Variants in PPP3CA observed in about 807,000 individuals in gnomAD.
The protein encoded by PPP3CA is CAM-PRP catalytic subunit.
Under a neutral mutation model 66.5 loss-of-function variants are expected in PPP3CA, and 14 were observed. The ratio of observed to expected loss-of-function variants is 0.21; its 90% confidence interval spans 0.14 to 0.33. PPP3CA has a LOEUF of 0.33. PPP3CA is among the 10% of genes least tolerant of loss of function. PPP3CA has a pLI of 1.00. For missense variants in PPP3CA, 317 were observed against 639.5 expected (o/e 0.50, Z 5.44); for synonymous variants, 232 against 226.2 (o/e 1.03, Z -0.23).
At chr4:101,104,861 T>C (rs1175413058) in intron 3 of PPP3CA, among the ~76,000 whole-genome samples, 1 of 152,182 alleles carries the variant, frequency 6.6e-6, no homozygotes, top group Non-Finnish European at 1.5e-5. Context: ...CATTTTGTCA[T>C]TTTTGTATGT....
chr4:101,033,494 G>T (rs868553556), intron 11 of PPP3CA, among the ~76,000 whole-genome samples: 6 of 152,120 alleles, frequency 3.9e-5, no homozygotes, highest in African/African-American at 1.2e-4. Context: ...TAAGAGTAAG[G>T]GATCACTCTT....
intron 13 of PPP3CA, among the ~76,000 whole-genome samples, chr4:101,028,143 T>G (rs1726755067): frequency 6.6e-6 from 1 of 152,156 alleles, no homozygotes; most frequent in Admixed American, 6.5e-5. Flanking sequence ...GTGGCACTTT[T>G]TGTATCACAC....
chr4:101,227,338 CTT>C lies in PPP3CA; in HGVS notation c.59-31224_59-31223del, dbSNP rs578236192. ...CTTCATAATCTGCTACGTCTCCCCT[CTT>C]GTTTTATATACTAAATTATGTAGTA... On this transcript the variant is annotated intron_variant, in intron 1 of 13. Coordinates refer to ENST00000394854, the MANE Select transcript of PPP3CA (RefSeq NM_000944.5). Among the ~76,000 whole-genome samples the C allele has an allele frequency of 3.8e-4, 58 of 151,864 alleles. No homozygotes were observed. The South Asian group carries it at 0.012, about 30-fold the overall frequency.
intron 1 of PPP3CA, among the ~76,000 whole-genome samples, chr4:101,264,777 A>C (rs1342038370): frequency 6.6e-6 from 1 of 152,202 alleles, no homozygotes. Context: ...AAATGCCTAT[A>C]GGAGCCAGGG....
chr4:101,170,240 T>TC (rs1268479357), intron 2 of PPP3CA, among the ~76,000 whole-genome samples: 8 of 150,636 alleles, frequency 5.3e-5, no homozygotes, highest in African/African-American at 1.7e-4. Flanking sequence ...AGACATTTTT[T>TC]CCCACAATTA....
chr4:101,243,970 A>G (rs1356189527), intron 1 of PPP3CA, among the ~76,000 whole-genome samples: 2 of 152,204 alleles, frequency 1.3e-5, no homozygotes, highest in Non-Finnish European at 2.9e-5. Context: ...GTTTTGATTT[A>G]TAAGATAAGG....
chr4:101,273,626 T>A (rs1727401896), intron 1 of PPP3CA, among the ~76,000 whole-genome samples: 1 of 152,148 alleles, frequency 6.6e-6, no homozygotes, highest in African/African-American at 2.4e-5. Context: ...CACCTGGCCT[T>A]TAAAATTACA....
chr4:101,040,490 T>G lies in PPP3CA; in HGVS notation c.1233A>C (p.Ser411=), dbSNP rs778242868. Residue 411 remains serine, a synonymous_variant, in exon 11 of 14, where the codon TCA becomes TCC. Transcript: ENST00000394854. ...RAIGKMARVF[S]VLREESESVL... ...AGTACGAATGCACCCACCTGAGCACTGAGAACACTCTGGCCATTTTGCCTA... is the reference window on the plus strand; with the variant it reads ...AGTACGAATGCACCCACCTGAGCACGGAGAACACTCTGGCCATTTTGCCTA... 1 of 1,611,102 alleles carries G rather than the reference T, an allele frequency of 6.2e-7. No homozygotes were observed. The highest frequency in any genetic ancestry group is 1.7e-5 in the Admixed American group (1 of 59,254).
At chr4:101,198,422 A>G (rs916483312) in intron 1 of PPP3CA, among the ~76,000 whole-genome samples, 1 of 152,184 alleles carries the variant, frequency 6.6e-6, no homozygotes, top group Non-Finnish European at 1.5e-5. Flanking sequence ...CTTCAAAAGG[A>G]TGCTTGTGGT....
chr4:101,248,694 C>T (rs968294674), intron 1 of PPP3CA, among the ~76,000 whole-genome samples: 1 of 152,028 alleles, frequency 6.6e-6, no homozygotes, highest in Non-Finnish European at 1.5e-5. Context: ...TCCTCTTTTC[C>T]CAAAGGTACT....
chr4:101,220,027 CATCATTATA>C (rs1725574083), intron 1 of PPP3CA, among the ~76,000 whole-genome samples: 1 of 151,782 alleles, frequency 6.6e-6, no homozygotes, highest in African/African-American at 2.4e-5. Flanking sequence ...CACGCCATGT[CATCATTATA>C]ATCAGAAAAC....
At chr4:101,287,644 G>A (rs926924539) in intron 1 of PPP3CA, among the ~76,000 whole-genome samples, 2 of 151,952 alleles carry the variant, frequency 1.3e-5, no homozygotes, top group Non-Finnish European at 2.9e-5. Context: ...TCTACAGCCA[G>A]GACAAGAAAG....
intron 1 of PPP3CA, among the ~76,000 whole-genome samples, chr4:101,230,590 C>T (rs997002863): frequency 6.6e-6 from 1 of 151,470 alleles, no homozygotes; most frequent in Non-Finnish European, 1.5e-5. Flanking sequence ...TAAAGCCTCC[C>T]AACTGTGTGT....
At chr4:101,094,131 T>A (rs772358145) in intron 5 of PPP3CA, among the ~76,000 whole-genome samples, 1 of 152,164 alleles carries the variant, frequency 6.6e-6, no homozygotes, top group Non-Finnish European at 1.5e-5. Context: ...TTCCTTCTGA[T>A]GAGATCATTT....
chr4:101,146,313 G>C (rs905682863), intron 2 of PPP3CA, among the ~76,000 whole-genome samples: 1 of 152,350 alleles, frequency 6.6e-6, no homozygotes, highest in Middle Eastern at 3.4e-3. Context: ...GGATGTGCTA[G>C]ATAATTCATA....
At chr4:101,104,463 T>TC (rs1730572038) in intron 3 of PPP3CA, among the ~76,000 whole-genome samples, 1 of 151,942 alleles carries the variant, frequency 6.6e-6, no homozygotes, top group African/African-American at 2.4e-5. Flanking sequence ...GATTTTTTTT[T>TC]TTCGTGGTGC....
chr4:101,321,459 C>T (rs909586333), intron 1 of PPP3CA, among the ~76,000 whole-genome samples: 24 of 152,302 alleles, frequency 1.6e-4, no homozygotes, highest in African/African-American at 5.3e-4. Context: ...TCCTTGCCCT[C>T]AAGGCTTAAA....
At chr4:101,257,691 G>A (rs1726888923) in intron 1 of PPP3CA, among the ~76,000 whole-genome samples, 1 of 151,994 alleles carries the variant, frequency 6.6e-6, no homozygotes, top group Non-Finnish European at 1.5e-5. Flanking sequence ...AGAGATGAGA[G>A]AAAATGTTAA....
At chr4:101,138,352 A>C (rs1578484989) in intron 2 of PPP3CA, among the ~76,000 whole-genome samples, 2 of 152,342 alleles carry the variant, frequency 1.3e-5, no homozygotes, top group East Asian at 3.9e-4. Context: ...CTCATCTCTA[A>C]AACAGAAATA....
Sources: gnomAD v4.1 joint callset for allele counts (sites outside exome capture counted in the v4.1 genomes callset) on GRCh38, gnomAD v4.1.1 for gene constraint, MANE v1.5 for transcripts, NCBI Gene and HGNC (gene_info 2026-07-23, HGNC 2026-07-21) for gene names.